The following ZNF503 variants were observed in gnomAD, a reference collection of about 807,000 sequenced individuals.
ZNF503 encodes the protein zinc finger protein 503.
In ZNF503, 15 loss-of-function variants were observed where a neutral mutation model predicts 34.4. The observed-to-expected ratio is 0.44, with a 90% CI of 0.29 to 0.67. The LOEUF (loss-of-function observed/expected upper bound fraction) is 0.67, where lower values mean the gene tolerates loss of function less well. ZNF503 is among the 30% of genes least tolerant of loss of function. The probability of loss-of-function intolerance (pLI) is 0.13; values close to 1 mark genes in which losing one functional copy is unlikely to be tolerated. For synonymous variants in ZNF503, 580 were observed against 456.8 expected, an observed-to-expected ratio of 1.27 and a Z score of -3.44; for missense variants, 1,007 against 926.8, an observed-to-expected ratio of 1.09 and a Z score of -1.12.
the ZNF503 span, among the ~76,000 whole-genome samples, chr10:75,355,471 G>A: frequency 9.9e-5 from 15 of 152,010 alleles, no homozygotes; most frequent in African/African-American, 3.4e-4. Context: ...CTCTTCCCAC[G>A]ATACCTCCCT....
At chr10:75,292,005 G>A in the ZNF503 span, among the ~76,000 whole-genome samples, 1 of 152,152 alleles carries the variant, frequency 6.6e-6, no homozygotes, top group Middle Eastern at 3.2e-3. Context: ...CAAACCACAC[G>A]GATAGGGAAG....
chr10:75,326,937 G>T, the ZNF503 span, among the ~76,000 whole-genome samples: 1 of 151,838 alleles, frequency 6.6e-6, no homozygotes, highest in African/African-American at 2.4e-5. Flanking sequence ...CTCCCACCTC[G>T]GCCTCCAAAG....
At chr10:75,296,450 G>A in the ZNF503 span, 1 of 152,128 alleles carries the variant, frequency 6.6e-6, no homozygotes, top group South Asian at 2.1e-4. Flanking sequence ...GCAGGTCTTG[G>A]AGGGTGGTGG....
At chr10:75,304,643 A>G in the ZNF503 span, among the ~76,000 whole-genome samples, 1 of 152,240 alleles carries the variant, frequency 6.6e-6, no homozygotes, top group African/African-American at 2.4e-5. Context: ...GATCATGTAA[A>G]TAATAAAATT....
At chr10:75,314,253 AAAAAG>A in the ZNF503 span, among the ~76,000 whole-genome samples, 1 of 151,212 alleles carries the variant, frequency 6.6e-6, no homozygotes, top group Non-Finnish European at 1.5e-5. Flanking sequence ...AAAAAAAAAA[AAAAAG>A]AAAGCTCAGT....
the ZNF503 span, among the ~76,000 whole-genome samples, chr10:75,305,582 C>A: frequency 6.6e-6 from 1 of 152,004 alleles, no homozygotes; most frequent in African/African-American, 2.4e-5. Context: ...GTTAAGTATT[C>A]ATATTGTTAT....
chr10:75,291,544 G>A, the ZNF503 span, among the ~76,000 whole-genome samples: 2 of 152,120 alleles, frequency 1.3e-5, no homozygotes, highest in African/African-American at 4.8e-5. Context: ...CCAGGGGTTC[G>A]AGGCTGCAGT....
chr10:75,313,279 G>A, the ZNF503 span, among the ~76,000 whole-genome samples: 14 of 152,112 alleles, frequency 9.2e-5, no homozygotes, highest in South Asian at 2.1e-4. Context: ...CAATGGACAC[G>A]TTCCAACACA....
rs773168761 is a variant in ZNF503, at chr10:75,401,312, G to A, written c.108C>T (p.Leu36=). ...GGCCGGGGCCGGAGCTATTTCCAGA[G>A]AGCGCGCTGGTCCAGGCAGGGTCTG... ...GGADPAWTSA[L]SGNSSGPGPG... The change falls in exon 1 of 2, where the codon CTC becomes CTT. Residue 36 remains leucine (L), a synonymous_variant. Transcript: ENST00000372524. 6.5e-6 allele frequency: 10 copies of A among 1,550,164 alleles called. No individual in the cohort carries two copies. Among genetic ancestry groups the A allele is most frequent in the South Asian group, 2.4e-5 (2 of 85,030 alleles).
At chr10:75,285,668 C>T in the ZNF503 span, among the ~76,000 whole-genome samples, 1 of 152,222 alleles carries the variant, frequency 6.6e-6, no homozygotes, top group Admixed American at 6.5e-5. Flanking sequence ...AATATTTACA[C>T]TATGGAAAAT....
At chr10:75,395,724 C>A (rs1040881094), downstream of ZNF503, among the ~76,000 whole-genome samples, 3 of 152,244 alleles carry the variant, frequency 2.0e-5, no homozygotes, top group Non-Finnish European at 2.9e-5. This position sits in a 1 kb window ranked among gnomAD's most constrained non-coding sequence, Gnocchi z 4.4. Flanking sequence ...TCGGGGAATC[C>A]TTTCTGTCCT....
At chr10:75,370,469 G>A in the ZNF503 span, among the ~76,000 whole-genome samples, 2 of 151,950 alleles carry the variant, frequency 1.3e-5, no homozygotes, top group African/African-American at 2.4e-5. Flanking sequence ...CGAATCCTGC[G>A]GCTGGGGTGC....
chr10:75,368,264 T>A, the ZNF503 span, among the ~76,000 whole-genome samples: 1 of 152,188 alleles, frequency 6.6e-6, no homozygotes, highest in Non-Finnish European at 1.5e-5. Context: ...TTTCCACAAT[T>A]ATTCTTCTAA....
chr10:75,368,024 G>A, the ZNF503 span, among the ~76,000 whole-genome samples: 1 of 152,188 alleles, frequency 6.6e-6, no homozygotes, highest in Non-Finnish European at 1.5e-5. Flanking sequence ...TCGAGTTAGG[G>A]CATTGAACCT....
chr10:75,306,336 A>G, the ZNF503 span, among the ~76,000 whole-genome samples: 1 of 151,972 alleles, frequency 6.6e-6, no homozygotes, highest in Non-Finnish European at 1.5e-5. Context: ...CTATTTATAT[A>G]TCTTTTTTTT....
the ZNF503 span, among the ~76,000 whole-genome samples, chr10:75,291,108 T>A: frequency 1.3e-5 from 2 of 152,188 alleles, no homozygotes; most frequent in Non-Finnish European, 2.9e-5. Context: ...CACAGCCATT[T>A]CATGGAGAAA....
chr10:75,400,347 G>T lies in ZNF503; in HGVS notation c.343C>A (p.Leu115Met), dbSNP rs376800412. 1 of 1,610,408 alleles carries T rather than the reference G, an allele frequency of 6.2e-7. No individual in the cohort carries two copies. The highest frequency in any genetic ancestry group is 2.2e-5 in the East Asian group (1 of 44,764). ...ATCTGCGAACATGTTTGCGCCAACA[G>T]CGCCAGCGGGCTCTTCTTGGCATCG... ...ELDAKKSPLA[L>M]LAQTCSQIGK... The change falls in exon 2 of 2, where the codon CTG (leucine) becomes ATG (methionine). Residue 115 changes from leucine (L) to methionine (M), a missense_variant. Physicochemically the swap from Leu to Met is conservative, Grantham distance 15 (BLOSUM62 2). Coordinates refer to ENST00000372524, the MANE Select transcript of ZNF503 (RefSeq NM_032772.6).
chr10:75,362,952 C>G, the ZNF503 span, among the ~76,000 whole-genome samples: 1 of 152,164 alleles, frequency 6.6e-6, no homozygotes, highest in South Asian at 2.1e-4. Flanking sequence ...CCACCCCAGC[C>G]TTGGCCAAGT....
the ZNF503 span, among the ~76,000 whole-genome samples, chr10:75,296,948 CGGG>C: frequency 1.3e-5 from 2 of 152,144 alleles, no homozygotes; most frequent in Non-Finnish European, 2.9e-5. Flanking sequence ...GTGATTCCTA[CGGG>C]AGTCAGTTGC....
Sources: allele counts gnomAD v4.1 joint callset (sites outside exome capture counted in the v4.1 genomes callset), GRCh38; gene constraint gnomAD v4.1.1; non-coding constraint Gnocchi (gnomAD v3.1); transcripts MANE v1.5; gene names NCBI Gene and HGNC (gene_info 2026-07-23, HGNC 2026-07-21).